SH3RF2: variants seen among roughly 807,000 people sequenced by gnomAD.
SH3RF2 encodes SH3 domain containing ring finger 2.
Under a neutral mutation model 59.0 loss-of-function variants are expected in SH3RF2, and 43 were observed. The observed-to-expected ratio is 0.73, with a 90% CI of 0.57 to 0.94. SH3RF2 has a LOEUF of 0.94. SH3RF2 is among the 40% of genes least tolerant of loss of function. SH3RF2 has a pLI of 0.00. For synonymous variants in SH3RF2, 391 were observed against 391.5 expected, an observed-to-expected ratio of 1.00 and a Z score of 0.01; for missense variants, 930 against 940.1, an observed-to-expected ratio of 0.99 and a Z score of 0.14.
chr5:146,004,004 C>T, intron 3 of SH3RF2, 54 bp from the exon 4 acceptor site: 4 of 1,501,116 alleles, frequency 2.7e-6, no homozygotes, highest in South Asian at 1.1e-5. Flanking sequence ...CTGCTGAGAG[C>T]TTTTACTGCC....
rs377746414 is a variant in SH3RF2, at chr5:145,938,342, A to G, written c.378+36A>G. 72 of 1,501,832 alleles carry G rather than the reference A, an allele frequency of 4.8e-5. 1 individual carries two copies. The highest frequency in any genetic ancestry group is 6.0e-5 in the Non-Finnish European group (68 of 1,131,894). The allele number at this position is 1,501,832 out of a possible 1,614,324, so 93.0% of individuals were successfully genotyped here. A position where few individuals can be genotyped will look rare whatever the true frequency, so the allele number is the denominator to read the frequency against. The stretch of plus-strand genomic sequence containing the variant: ...TCTTATTTGCTAATATCATGTCCAC[A>G]TAGAGGTTGGATTTGTGTATACAAG... On this transcript the variant is annotated intron_variant, in intron 2 of 9. Coordinates refer to ENST00000359120, the MANE Select transcript of SH3RF2 (RefSeq NM_152550.4).
intron 9 of SH3RF2, among the ~76,000 whole-genome samples, chr5:146,061,666 A>G (rs2906825): frequency 0.98 from 149,892 of 152,188 alleles, 73,856 homozygotes; most frequent in Middle Eastern, 1. Context: ...ATGGGTGCCT[A>G]GCAGATATAT....
chr5:145,976,039 G>C (rs1389928436), intron 2 of SH3RF2, among the ~76,000 whole-genome samples: 1 of 152,198 alleles, frequency 6.6e-6, no homozygotes, highest in Non-Finnish European at 1.5e-5. Flanking sequence ...ATACACACCA[G>C]TGAAGAACCT....
intron 2 of SH3RF2, among the ~76,000 whole-genome samples, chr5:145,970,509 T>C (rs1759038728): frequency 6.6e-6 from 1 of 152,212 alleles, no homozygotes; most frequent in Admixed American, 6.5e-5. Flanking sequence ...ATTTTCTTTA[T>C]CCAGTCATTG....
exon 10 of SH3RF2, chr5:146,079,926 C>A (rs1763397322): frequency 6.6e-6 from 1 of 152,230 alleles, no homozygotes; most frequent in Admixed American, 6.5e-5. Flanking sequence ...TTCTGCCTTA[C>A]AATTGAGCAA....
chr5:145,987,635 A>G (rs1254592153), intron 2 of SH3RF2, among the ~76,000 whole-genome samples: 1 of 152,164 alleles, frequency 6.6e-6, no homozygotes, highest in Non-Finnish European at 1.5e-5. Flanking sequence ...TTGCAATTAT[A>G]TATTTATGTG....
At chr5:145,952,643 C>G (rs1758234004) in intron 2 of SH3RF2, among the ~76,000 whole-genome samples, 1 of 152,152 alleles carries the variant, frequency 6.6e-6, no homozygotes, top group African/African-American at 2.4e-5. Flanking sequence ...AATGTATACT[C>G]TAATGGGATA....
chr5:145,999,571 G>A (rs1005873467), intron 2 of SH3RF2, among the ~76,000 whole-genome samples: 1 of 152,002 alleles, frequency 6.6e-6, no homozygotes, highest in Non-Finnish European at 1.5e-5. Flanking sequence ...GTAGGCAATT[G>A]TAGGGTCATT....
exon 10 of SH3RF2, chr5:146,079,038 C>A (rs1048305561): frequency 2.0e-5 from 3 of 152,222 alleles, no homozygotes; most frequent in Non-Finnish European, 4.4e-5. Context: ...TCCATTCTGT[C>A]TTTTCCCCGA....
At chr5:145,987,071 G>A (rs1230663591) in intron 2 of SH3RF2, among the ~76,000 whole-genome samples, 2 of 152,212 alleles carry the variant, frequency 1.3e-5, no homozygotes, top group African/African-American at 4.8e-5. Context: ...AGCCTATGAT[G>A]TCTTAGCATT....
chr5:146,014,172 A>G (rs764802646), intron 5 of SH3RF2, 111 bp downstream of exon 5: 3 of 1,068,274 alleles, frequency 2.8e-6, no homozygotes, highest in African/African-American at 1.6e-5. Flanking sequence ...AGAATGCCCT[A>G]CTAGTAACTA....
At chr5:146,075,778 TAAAAAAAAAAAAAAA>T (rs56300547) in intron 9 of SH3RF2, among the ~76,000 whole-genome samples, 16 of 76,976 alleles carry the variant, frequency 2.1e-4, no homozygotes, top group African/African-American at 7.3e-4. Flanking sequence ...AAATTCCATG[TAAAAAAAAAAAAAAA>T]AAAAAAAAAA....
Position 146,036,896 on chromosome 5 carries a change from G to C in SH3RF2, c.1060-10876G>C, listed in dbSNP as rs901259062. ...CATGAGAATGGTCAACCTAGCACCG[G>C]GGAAAAGGAAGAAAGACTCCTAAAT... On this transcript the variant is annotated intron_variant, in intron 5 of 9. Coordinates refer to ENST00000359120, the MANE Select transcript of SH3RF2 (RefSeq NM_152550.4). Among the ~76,000 whole-genome samples, 5 of 152,310 alleles carry C rather than the reference G, an allele frequency of 3.3e-5. No individual in the cohort carries two copies. In the South Asian group the frequency reaches 1.0e-3, roughly 32 times the overall value.
At chr5:145,942,278 C>A (rs1184847613) in intron 2 of SH3RF2, among the ~76,000 whole-genome samples, 1 of 152,188 alleles carries the variant, frequency 6.6e-6, no homozygotes, top group Non-Finnish European at 1.5e-5. Flanking sequence ...TCACTCTATT[C>A]CCCAACACAA....
At chr5:145,980,300 C>T (rs897717010) in intron 2 of SH3RF2, among the ~76,000 whole-genome samples, 1 of 152,118 alleles carries the variant, frequency 6.6e-6, no homozygotes. Flanking sequence ...TTTTTCCAGG[C>T]TTTATCTTTG....
At chr5:146,006,933 C>T (rs547131192) in intron 4 of SH3RF2, among the ~76,000 whole-genome samples, 34 of 152,078 alleles carry the variant, frequency 2.2e-4, no homozygotes, top group Non-Finnish European at 4.1e-4. Flanking sequence ...AGTAGGGACG[C>T]ATGAAAAAGA....
chr5:146,023,859 T>C (rs1193960149), intron 5 of SH3RF2, among the ~76,000 whole-genome samples: 3 of 152,350 alleles, frequency 2.0e-5, no homozygotes, highest in South Asian at 2.1e-4. Context: ...CACACAGTAT[T>C]CGAATATTTG....
At chr5:145,977,757 C>T (rs780545316) in intron 2 of SH3RF2, among the ~76,000 whole-genome samples, 7 of 152,212 alleles carry the variant, frequency 4.6e-5, no homozygotes, top group Non-Finnish European at 8.8e-5. Flanking sequence ...CAAGAAGCAG[C>T]TTGAGATAGG....
downstream of SH3RF2, among the ~76,000 whole-genome samples, chr5:146,066,361 C>T (rs1322499874): frequency 6.6e-6 from 1 of 152,174 alleles, no homozygotes; most frequent in Non-Finnish European, 1.5e-5. Flanking sequence ...CTCAGAGCCT[C>T]GTTTTCTTAC....
Sources: gnomAD v4.1 joint callset for allele counts (sites outside exome capture counted in the v4.1 genomes callset) on GRCh38, gnomAD v4.1.1 for gene constraint, MANE v1.5 for transcripts, NCBI Gene and HGNC (gene_info 2026-07-23, HGNC 2026-07-21) for gene names.